RIPK2: variants seen among roughly 807,000 people sequenced by gnomAD.
RIPK2 encodes receptor interacting serine/threonine kinase 2.
A neutral mutation model predicts 60.9 loss-of-function variants in RIPK2; 38 were observed. That is an observed-to-expected ratio of 0.62 (90% CI 0.48 to 0.82). The LOEUF (loss-of-function observed/expected upper bound fraction) is 0.82, where lower values mean the gene tolerates loss of function less well. Ranked by LOEUF, RIPK2 falls within the 40% of genes least tolerant of loss-of-function variation. The pLI, the probability that RIPK2 is intolerant of heterozygous loss-of-function variation, is 0.00. For missense variants in RIPK2, 518 were observed against 647.0 expected (o/e 0.80, Z 2.16); for synonymous variants, 225 against 223.4 (o/e 1.01, Z -0.06).
Position 89,771,781 on chromosome 8 carries a change from C to G in RIPK2, c.682C>G (p.Pro228Ala). Residue 228 changes from proline to alanine, a missense_variant, in exon 5 of 11, where the codon CCT becomes GCT. Transcript: ENST00000220751. ...ITWEVLSRKQ[P>A]FEDVTNPLQI... ...ATGGGAAGTGTTATCCAGAAAACAG[C>G]CTTTTGAAGGTAAGTATGGTTTGAC... The G allele has an allele frequency of 6.2e-7, 1 of 1,602,698 alleles. No homozygotes were observed. Among genetic ancestry groups the G allele is most frequent in the Non-Finnish European group, 8.5e-7 (1 of 1,172,176 alleles).
rs201544199 is a variant in RIPK2, at chr8:89,790,445, T to A, written c.*29T>A. On this transcript the variant is annotated 3_prime_UTR_variant, in exon 11 of 11. Transcript: ENST00000220751. ...ACTGTTTTTCAAGAAGAAATGTGTTTCATAAAAGGATATTTATATCTCTGT... is the reference window on the plus strand; with the variant it reads ...ACTGTTTTTCAAGAAGAAATGTGTTACATAAAAGGATATTTATATCTCTGT... 9.4e-5 allele frequency: 137 copies of A among 1,455,824 alleles called. No homozygotes were observed. In the African/African-American group the frequency reaches 1.9e-3, roughly 20 times the overall value. The allele number at this position is 1,455,824 out of a possible 1,614,324, so 90.2% of individuals were successfully genotyped here. A position where few individuals can be genotyped will look rare whatever the true frequency, so the allele number is the denominator to read the frequency against.
At chr8:89,763,479 G>A (rs1809178173) in intron 2 of RIPK2, among the ~76,000 whole-genome samples, 1 of 151,962 alleles carries the variant, frequency 6.6e-6, no homozygotes, top group Admixed American at 6.6e-5. Flanking sequence ...TTTTTCCCAA[G>A]GTACCAGTCA....
chr8:89,771,956 C>T (rs549528490), intron 5 of RIPK2, among the ~76,000 whole-genome samples, 166 bp downstream of exon 5: 16 of 151,988 alleles, frequency 1.1e-4, no homozygotes, highest in African/African-American at 3.6e-4. Context: ...CAAAATATAC[C>T]GGGTTAAGGA....
chr8:89,779,603 A>G (rs1482603672), intron 6 of RIPK2, among the ~76,000 whole-genome samples: 2 of 152,062 alleles, frequency 1.3e-5, no homozygotes, highest in African/African-American at 4.8e-5. Context: ...TACAGGTGTG[A>G]GCCACCATGC....
chr8:89,777,775 A>G (rs762329610), intron 6 of RIPK2, among the ~76,000 whole-genome samples: 3 of 152,194 alleles, frequency 2.0e-5, no homozygotes, highest in Non-Finnish European at 4.4e-5. Context: ...GGAAGGTACC[A>G]TCATTGATTT....
chr8:89,762,295 A>G (rs1809159270), intron 1 of RIPK2, among the ~76,000 whole-genome samples: 1 of 152,212 alleles, frequency 6.6e-6, no homozygotes, highest in African/African-American at 2.4e-5. Flanking sequence ...GTTCTCAGTG[A>G]TCTTTTCCTG....
chr8:89,780,792 G>C (rs572679767), intron 7 of RIPK2: 2 of 151,872 alleles, frequency 1.3e-5, no homozygotes, highest in South Asian at 2.1e-4. Context: ...GTGTGTTTGT[G>C]GTTTGTTTTT....
chr8:89,775,389 T>C (rs958738893), intron 6 of RIPK2, among the ~76,000 whole-genome samples: 2 of 152,142 alleles, frequency 1.3e-5, no homozygotes. Flanking sequence ...ATGTTGAGGC[T>C]GCAGTGAGCC....
At chr8:89,775,356 C>T (rs921458471) in intron 6 of RIPK2, among the ~76,000 whole-genome samples, 2 of 152,034 alleles carry the variant, frequency 1.3e-5, no homozygotes, top group Admixed American at 1.3e-4. Context: ...GAGGCTGAGG[C>T]AGGAGGATTG....
At chr8:89,758,431 T>C (rs892082007) in intron 1 of RIPK2, among the ~76,000 whole-genome samples, 198 bp downstream of exon 1, 12 of 152,304 alleles carry the variant, frequency 7.9e-5, no homozygotes, top group Non-Finnish European at 1.8e-4. Flanking sequence ...GAGCACAGGC[T>C]TCTCTGGAGA....
In RIPK2 at chr8:89,769,723, G is replaced by A. The variant is rs1416884866; in HGVS notation, c.484-49G>A. On this transcript the variant is annotated intron_variant, in intron 3 of 10. Coordinates refer to ENST00000220751, the MANE Select transcript of RIPK2 (RefSeq NM_003821.6). ...TATACAAAAAGATAGTTGACTTTTG[G>A]ACTTTTTAAAGAGGAAATTTCTTAA... is the stretch of plus-strand genomic sequence containing the variant. The A allele has an allele frequency of 2.2e-6, 3 of 1,391,830 alleles. No individual in the cohort carries two copies. In the South Asian group the frequency reaches 4.6e-5, roughly 21 times the overall value. 86.2% of individuals were successfully genotyped at this position (1,391,830 alleles called of 1,614,324 possible).
At position 89,758,304 on chromosome 8, in the gene RIPK2, G is replaced by A. The variant is rs1016597180; in HGVS notation, c.173+71G>A. 4 of 1,450,404 alleles carry A rather than the reference G, an allele frequency of 2.8e-6. No homozygotes were observed. The African/African-American group carries it at 5.7e-5, about 21-fold the overall frequency. The allele number at this position is 1,450,404 out of a possible 1,614,324, so 89.8% of individuals were successfully genotyped here. A position where few individuals can be genotyped will look rare whatever the true frequency, so the allele number is the denominator to read the frequency against. ...TCCCCTCAAGCCCCCTGACAAGCGGGCTCTAGAGCCCAAATGGCAGTGACC... is the reference window on the plus strand; with the variant it reads ...TCCCCTCAAGCCCCCTGACAAGCGGACTCTAGAGCCCAAATGGCAGTGACC... On this transcript the variant is annotated intron_variant, in intron 1 of 10. Transcript: ENST00000220751.
At chr8:89,784,212 G>A in intron 8 of RIPK2, 73 bp downstream of exon 8, 1 of 935,374 alleles carries the variant, frequency 1.1e-6, no homozygotes, top group Non-Finnish European at 1.5e-6. Flanking sequence ...AAATCATTTG[G>A]TCTAAGCCCT....
intron 8 of RIPK2, among the ~76,000 whole-genome samples, chr8:89,785,450 A>T (rs1198694027): frequency 1.3e-5 from 2 of 152,190 alleles, no homozygotes; most frequent in African/African-American, 4.8e-5. Flanking sequence ...CCTCAAAAAA[A>T]AAAACTTTGT....
At chr8:89,763,167 G>A (rs1022708491) in intron 2 of RIPK2, among the ~76,000 whole-genome samples, 185 bp downstream of exon 2, 7 of 152,152 alleles carry the variant, frequency 4.6e-5, no homozygotes, top group Non-Finnish European at 7.4e-5. Flanking sequence ...AAACACTGTG[G>A]ATTCAGGCCC....
intron 1 of RIPK2, among the ~76,000 whole-genome samples, chr8:89,758,742 A>G (rs1809093875): frequency 6.6e-6 from 1 of 152,184 alleles, no homozygotes; most frequent in Non-Finnish European, 1.5e-5. Context: ...CTAAGTGTAA[A>G]ATACCAGAGT....
chr8:89,761,077 T>C (rs1809136765), intron 1 of RIPK2, among the ~76,000 whole-genome samples: 1 of 152,212 alleles, frequency 6.6e-6, no homozygotes, highest in Non-Finnish European at 1.5e-5. Context: ...TGCCTTCTTG[T>C]TACTCTTGAA....
Position 89,769,737 on chromosome 8 carries a change from G to A in RIPK2, c.484-35G>A, listed in dbSNP as rs746317608. ...GTTGACTTTTGGACTTTTTAAAGAG[G>A]AAATTTCTTAATTATTTGCTCTTGT... On this transcript the variant is annotated intron_variant, in intron 3 of 10. Transcript: ENST00000220751. 1.9e-5 allele frequency: 28 copies of A among 1,462,192 alleles called. 1 individual carries two copies. In the Middle Eastern group the frequency reaches 4.4e-3, roughly 228 times the overall value. 90.6% of individuals were successfully genotyped at this position (1,462,192 alleles called of 1,614,324 possible). A position where few individuals can be genotyped will look rare whatever the true frequency, so the allele number is the denominator to read the frequency against.
At position 89,757,992 on chromosome 8, in the gene RIPK2, G is replaced by T. The variant is rs1233542595; in HGVS notation, c.-69G>T. ...CAGGGGCGTATCTGGGCGCCTGAGCGCGGCGTGGGAGCCTTGGGAGCCGCC... is the reference window on the plus strand; with the variant it reads ...CAGGGGCGTATCTGGGCGCCTGAGCTCGGCGTGGGAGCCTTGGGAGCCGCC... On this transcript the variant is annotated 5_prime_UTR_variant, in exon 1 of 11. Coordinates refer to ENST00000220751, the MANE Select transcript of RIPK2 (RefSeq NM_003821.6). 4.1e-6 allele frequency: 6 copies of T among 1,460,478 alleles called. No homozygotes were observed. Among genetic ancestry groups the T allele is most frequent in the Non-Finnish European group, 4.5e-6 (5 of 1,103,724 alleles). 90.5% of individuals were successfully genotyped at this position (1,460,478 alleles called of 1,614,324 possible). A position where few individuals can be genotyped will look rare whatever the true frequency, so the allele number is the denominator to read the frequency against.
Sources: allele counts gnomAD v4.1 joint callset (sites outside exome capture counted in the v4.1 genomes callset), GRCh38; gene constraint gnomAD v4.1.1; transcripts MANE v1.5; gene names NCBI Gene and HGNC (gene_info 2026-07-23, HGNC 2026-07-21).